Variants in PPRC1 observed in about 807,000 individuals in gnomAD.
The protein encoded by PPRC1 is peroxisome proliferator-activated receptor gamma coactivator-related protein 1.
In PPRC1, 23 loss-of-function variants were observed where a neutral mutation model predicts 132.5. The observed-to-expected ratio is 0.17, with a 90% confidence interval of 0.12 to 0.25. The LOEUF (loss-of-function observed/expected upper bound fraction) is 0.25. PPRC1 is among the 10% of genes least tolerant of loss of function. The pLI, the probability that PPRC1 is intolerant of heterozygous loss-of-function variation, is 1.00. For missense variants in PPRC1, 2,006 were observed against 2,089.1 expected (o/e 0.96, Z 0.78); for synonymous variants, 872 against 833.5 (o/e 1.05, Z -0.80).
At chr10:102,121,065 G>T in the PPRC1 span, among the ~76,000 whole-genome samples, 3 of 152,102 alleles carry the variant, frequency 2.0e-5, no homozygotes, top group African/African-American at 7.2e-5. Context: ...AAACCAGTTG[G>T]GACTAGAACT....
intron 6 of PPRC1, among the ~76,000 whole-genome samples, chr10:102,143,598 C>CAAA (rs774584823): frequency 8.6e-5 from 5 of 57,872 alleles, no homozygotes; most frequent in East Asian, 9.8e-4. Context: ...GACTCTGTCT[C>CAAA]AAAAAAAAAA....
In PPRC1 at chr10:102,139,173, T is replaced by C; in HGVS notation, c.665T>C (p.Leu222Pro). The C allele has an allele frequency of 1.2e-6, 2 of 1,613,896 alleles. No individual in the cohort carries two copies. Among genetic ancestry groups the C allele is most frequent in the Non-Finnish European group, 1.7e-6 (2 of 1,179,836 alleles). The stretch of plus-strand genomic sequence containing the variant: ...TTCTTAGAGACCTCTTCCCCCAAGC[T>C]TCCTAGCTGGAGACCCCCAAGATCA... ...PSFLETSSPKLPSWRPPRSRP... is the reference protein window; with the variant it reads ...PSFLETSSPKPPSWRPPRSRP... Residue 222 changes from leucine (L) to proline (P), a missense_variant, in exon 5 of 14, where the codon CTT (leucine) becomes CCT (proline). Leu to Pro is a moderately conservative substitution (Grantham distance 98). This residue lies in a region of PPRC1 where 1,914 missense variants were observed against 1,917.2 expected (regional missense o/e 1.00). Coordinates refer to ENST00000278070, the MANE Select transcript of PPRC1 (RefSeq NM_015062.5).
At position 102,141,573 on chromosome 10, in the gene PPRC1, C is replaced by T. The variant is rs1353558971; in HGVS notation, c.3065C>T (p.Pro1022Leu). ...PQPKMESRGT[P>L]AGPPENVLPL... Reference sequence around the variant, plus strand: ...CCTAAAATGGAGTCTAGGGGCACTCCAGCTGGCCCTCCTGAAAATGTACTT... The same window carrying T: ...CCTAAAATGGAGTCTAGGGGCACTCTAGCTGGCCCTCCTGAAAATGTACTT... Residue 1022 changes from proline (P) to leucine (L), a missense_variant, in exon 5 of 14, where the codon CCA (proline) becomes CTA (leucine). Physicochemically the swap from Pro to Leu is moderately conservative, Grantham distance 98 (BLOSUM62 -3). Transcript: ENST00000278070. 2 of 1,614,098 alleles carry T rather than the reference C, an allele frequency of 1.2e-6. No homozygotes were observed. The highest frequency in any genetic ancestry group is 1.1e-5 in the South Asian group (1 of 91,080).
the PPRC1 span, among the ~76,000 whole-genome samples, chr10:102,127,073 TAAAA>T: frequency 0.016 from 1,201 of 75,724 alleles, 16 homozygotes; most frequent in Middle Eastern, 0.042. Flanking sequence ...ATATATAAAT[TAAAA>T]AAAAATTGAG....
In PPRC1 at chr10:102,140,860, G is replaced by T; in HGVS notation, c.2352G>T (p.Glu784Asp). The T allele has an allele frequency of 6.2e-7, 1 of 1,614,056 alleles. No individual in the cohort carries two copies. The highest frequency in any genetic ancestry group is 8.5e-7 in the Non-Finnish European group (1 of 1,180,020). ...CTGGGAAGTGGCCTAGCCTTCCAGA[G>T]ACTCCCACAGGGCTGGCAGACATCC... ...PPTGKWPSLP[E>D]TPTGLADIPC... is the part of the protein sequence containing the mutation. The change falls in exon 5 of 14, where the codon GAG (glutamate) becomes GAT (aspartate). Residue 784 changes from glutamate (E) to aspartate (D), a missense_variant. Physicochemically the swap from Glu to Asp is conservative, Grantham distance 45 (BLOSUM62 2). Transcript: ENST00000278070.
rs568950380 is a variant in PPRC1 at position 102,145,630 on chromosome 10, C to T, written c.3679+540C>T. ...CTGTAATCCCAGCACTTGGGGAGGC[C>T]GAGGCAGGTGGATCACGAGGTCAGG... is the stretch of plus-strand genomic sequence containing the variant. On this transcript the variant is annotated intron_variant, in intron 8 of 13. Transcript: ENST00000278070. Among the ~76,000 whole-genome samples, 97 of 149,462 alleles carry T rather than the reference C, an allele frequency of 6.5e-4. 1 individual carries two copies. Among genetic ancestry groups the T allele is most frequent in the Middle Eastern group, 3.8e-3 (1 of 264 alleles).
the PPRC1 span, among the ~76,000 whole-genome samples, chr10:102,122,182 C>T: frequency 6.6e-6 from 1 of 152,040 alleles, no homozygotes; most frequent in Non-Finnish European, 1.5e-5. Flanking sequence ...TGCCTGAGTG[C>T]ACCCCCTCCC....
At position 102,141,629 on chromosome 10, in the gene PPRC1, G is replaced by T; in HGVS notation, c.3121G>T (p.Gly1041Trp). 1 of 1,614,106 alleles carries T rather than the reference G, an allele frequency of 6.2e-7. No homozygotes were observed. The change falls in exon 5 of 14, where the codon GGG becomes TGG. Residue 1041 changes from glycine to tryptophan, a missense_variant. Physicochemically the swap from Gly to Trp is radical, Grantham distance 184. Transcript: ENST00000278070. Reference sequence around the variant, plus strand: ...GTCGATGGCTCCTCCCCTCAGTCTTGGGCTACCTGGCCATGGAGCTCCTCA... The same window carrying T: ...GTCGATGGCTCCTCCCCTCAGTCTTTGGCTACCTGGCCATGGAGCTCCTCA... ...PLSMAPPLSL[G>W]LPGHGAPQTE...
At chr10:102,127,702 G>C in the PPRC1 span, among the ~76,000 whole-genome samples, 5 of 151,152 alleles carry the variant, frequency 3.3e-5, no homozygotes, top group Non-Finnish European at 5.9e-5. Context: ...CACCACGCCC[G>C]GCCTGCCCAG....
chr10:102,146,021 CAG>C (rs2069230572), intron 8 of PPRC1, among the ~76,000 whole-genome samples: 1 of 152,124 alleles, frequency 6.6e-6, no homozygotes, highest in Non-Finnish European at 1.5e-5. Context: ...TCTAGGAAGA[CAG>C]AGCATCTTGA....
In PPRC1 at chr10:102,147,312, A is replaced by ATCTTCCTCATCCTCATCATCG. The variant is rs1341262428; in HGVS notation, c.4333_4353dup (p.Ser1445_Ser1451dup). On this transcript the variant is annotated inframe_insertion, in exon 9 of 14. Transcript: ENST00000278070. The stretch of plus-strand genomic sequence containing the variant: ...CTGGGTCCAACCGGACTAGCGAAGC[A>ATCTTCCTCATCCTCATCATCG]TCTTCCTCATCCTCATCATCGTCTT... The ATCTTCCTCATCCTCATCATCG allele has an allele frequency of 1.2e-6, 2 of 1,612,328 alleles. No homozygotes were observed. Among genetic ancestry groups the ATCTTCCTCATCCTCATCATCG allele is most frequent in the Non-Finnish European group, 1.7e-6 (2 of 1,180,024 alleles).
chr10:102,148,933 C>A lies in PPRC1; in HGVS notation c.4734C>A (p.Val1578=), dbSNP rs2069391084. ...EIEECTIHFR[V]QGDNYGFVTY... ...AGGAGTGCACCATCCACTTCCGTGT[C>A]CAAGGGTAAGCTTGGGCCCCAGGCT... Residue 1578 remains valine (V), a synonymous_variant, in exon 12 of 14, where the codon GTC becomes GTA. Transcript: ENST00000278070. This position sits in a 1 kb window ranked among gnomAD's most constrained non-coding sequence, Gnocchi z 4.2. 6.2e-7 allele frequency: 1 copy of A among 1,614,022 alleles called. No homozygotes were observed. The highest frequency in any genetic ancestry group is 8.5e-7 in the Non-Finnish European group (1 of 1,179,968).
intron 1 of PPRC1, among the ~76,000 whole-genome samples, chr10:102,135,546 T>A (rs868333043): frequency 3.3e-5 from 5 of 152,066 alleles, no homozygotes; most frequent in African/African-American, 7.2e-5. Context: ...ACATGGCTAA[T>A]TTTTGTATTT....
At chr10:102,120,481 G>T in the PPRC1 span, 1 of 762,376 alleles carries the variant, frequency 1.3e-6, no homozygotes, top group Non-Finnish European at 1.6e-6. Context: ...GCCGGCGCCG[G>T]CTCCCCAGCC....
rs956550460 is a variant in PPRC1 at position 102,140,777 on chromosome 10, C to T, written c.2269C>T (p.Arg757Trp). The T allele has an allele frequency of 9.3e-6, 15 of 1,613,686 alleles. No homozygotes were observed. The highest frequency in any genetic ancestry group is 6.7e-5 in the Admixed American group (4 of 59,984). ...TCGGCCTCTCAGCTTATCTGAGTAC[C>T]GGCGACGAAGGCAGCAACGCCAAGC... Reference protein sequence around the residue: ...RPRPLSLSEYRRRRQQRQAET... With the variant: ...RPRPLSLSEYWRRRQQRQAET... The change falls in exon 5 of 14, where the codon CGG becomes TGG. Residue 757 changes from arginine (R) to tryptophan (W), a missense_variant. Transcript: ENST00000278070.
At chr10:102,139,053 A>T in intron 4 of PPRC1, 47 bp from the exon 5 acceptor site, 1 of 1,603,982 alleles carries the variant, frequency 6.2e-7, no homozygotes, top group Non-Finnish European at 8.5e-7. Flanking sequence ...TCTGGAAAAT[A>T]CTTTCCCAAA....
the PPRC1 span, among the ~76,000 whole-genome samples, chr10:102,127,690 G>A: frequency 6.6e-6 from 1 of 152,032 alleles, no homozygotes; most frequent in East Asian, 1.9e-4. Context: ...ACAGGCGAGA[G>A]TCACCACGCC....
In PPRC1 at chr10:102,138,978, G is replaced by A; in HGVS notation, c.589G>A (p.Gly197Arg). The A allele has an allele frequency of 6.2e-7, 1 of 1,613,010 alleles. No homozygotes were observed. Among genetic ancestry groups the A allele is most frequent in the Non-Finnish European group, 8.5e-7 (1 of 1,178,956 alleles). ...GPSTGSSRGS[G>R]VEMSLPDPSW... is the part of the protein sequence containing the mutation. ...CAGTACAGGCAGCAGTAGAGGGAGT[G>A]GGGTAAGCCTGACCTAGAGGGTTTC... Residue 197 changes from glycine to arginine, a missense_variant and splice_region_variant, in exon 4 of 14, where the codon GGG becomes AGG. Gly to Arg is a moderately radical substitution (Grantham distance 125, BLOSUM62 -2). Transcript: ENST00000278070.
intron 7 of PPRC1, 48 bp downstream of exon 7, chr10:102,144,355 G>C (rs757220598): frequency 1.3e-6 from 2 of 1,569,590 alleles, no homozygotes; most frequent in Non-Finnish European, 1.7e-6. Context: ...TTAGTCAGCA[G>C]CCGGCTGACA....
Sources: gnomAD v4.1 joint callset for allele counts (sites outside exome capture counted in the v4.1 genomes callset) on GRCh38, gnomAD v4.1.1 for gene constraint, gnomAD v4.1.1 regional missense constraint, Gnocchi (gnomAD v3.1) non-coding constraint, MANE v1.5 for transcripts, NCBI Gene and HGNC (gene_info 2026-07-23, HGNC 2026-07-21) for gene names.